The following ADCY5 variants were observed in gnomAD, a reference collection of about 807,000 sequenced individuals.
ADCY5 encodes the protein adenylate cyclase 5, also known as adenylate cyclase type 5.
In ADCY5, 30 loss-of-function variants were observed where a neutral mutation model predicts 119.7. The observed-to-expected ratio is 0.25, with a 90% CI of 0.19 to 0.34. The LOEUF (loss-of-function observed/expected upper bound fraction) is 0.34. Among genes scored for constraint, ADCY5 ranks in the 10% least tolerant of loss-of-function variants. The pLI is 1.00. For missense variants in ADCY5, 1,324 were observed against 1,775.2 expected, an observed-to-expected ratio of 0.75 and a Z score of 4.57; for synonymous variants, 753 against 762.2, an observed-to-expected ratio of 0.99 and a Z score of 0.20.
chr3:123,330,139 C>T (rs1009978333), intron 5 of ADCY5, among the ~76,000 whole-genome samples: 1 of 152,228 alleles, frequency 6.6e-6, no homozygotes, highest in African/African-American at 2.4e-5. Flanking sequence ...TTGCTGGGGA[C>T]ACTTGGCAAG....
chr3:123,444,013 T>C (rs1945769775), intron 1 of ADCY5, among the ~76,000 whole-genome samples: 1 of 152,148 alleles, frequency 6.6e-6, no homozygotes, highest in Non-Finnish European at 1.5e-5. Context: ...GCTAAGCATA[T>C]GTAATAGTTG....
chr3:123,308,025 GC>G (rs1940295880), intron 12 of ADCY5, among the ~76,000 whole-genome samples: 1 of 117,370 alleles, frequency 8.5e-6, no homozygotes, highest in Non-Finnish European at 1.8e-5. Flanking sequence ...TTTTTTTCAT[GC>G]TCTTTTTTTT....
chr3:123,314,118 C>T, intron 12 of ADCY5, 117 bp downstream of exon 12: 2 of 767,676 alleles, frequency 2.6e-6, no homozygotes, highest in Non-Finnish European at 4.3e-6. Flanking sequence ...GGCACTCTCC[C>T]ACCCCTGCCA....
chr3:123,372,131 G>A (rs999070301), intron 1 of ADCY5, among the ~76,000 whole-genome samples: 2 of 152,178 alleles, frequency 1.3e-5, no homozygotes, highest in African/African-American at 2.4e-5. Flanking sequence ...CCTGAAAGGT[G>A]AGCCTCCATG....
chr3:123,419,063 G>A (rs530782021), intron 1 of ADCY5: 142 of 836,318 alleles, frequency 1.7e-4, no homozygotes, highest in Middle Eastern at 6.1e-4. Context: ...GTAACGGCAT[G>A]AGCCAATCCC....
At chr3:123,285,375 A>G (rs1938669972) in intron 20 of ADCY5, among the ~76,000 whole-genome samples, 1 of 152,198 alleles carries the variant, frequency 6.6e-6, no homozygotes. Flanking sequence ...CGGAACAAAG[A>G]AGAGAGCTCA....
At chr3:123,304,353 CG>C (rs1329590850) in intron 12 of ADCY5, among the ~76,000 whole-genome samples, 170 bp from the exon 13 acceptor site, 1 of 152,166 alleles carries the variant, frequency 6.6e-6, no homozygotes, top group African/African-American at 2.4e-5. Flanking sequence ...AGCCTTGAAC[CG>C]CTGCACCATT....
intron 1 of ADCY5, among the ~76,000 whole-genome samples, chr3:123,383,344 G>A (rs553003704): frequency 1.3e-5 from 2 of 152,306 alleles, no homozygotes; most frequent in South Asian, 2.1e-4. Context: ...TGCCCTCCTC[G>A]CCTCCTCGGG....
intron 1 of ADCY5, among the ~76,000 whole-genome samples, chr3:123,371,822 A>T (rs1030858606): frequency 5.9e-5 from 9 of 152,216 alleles, no homozygotes; most frequent in Non-Finnish European, 7.4e-5. Context: ...GAAGGGCAGA[A>T]AAGCAAAAGG....
In ADCY5 at chr3:123,447,446, C is replaced by G; in HGVS notation, c.1100G>C (p.Arg367Pro). 1 of 1,604,134 alleles carries G rather than the reference C, an allele frequency of 6.2e-7. No homozygotes were observed. Among genetic ancestry groups the G allele is most frequent in the South Asian group, 1.1e-5 (1 of 89,546 alleles). The change falls in exon 1 of 21, where the codon CGC becomes CCC. Residue 367 changes from arginine (R) to proline (P), a missense_variant. By Grantham distance (103) the Arg-to-Pro change is moderately radical (BLOSUM62 -2). Around this residue, in one of 6 missense-constraint regions of ADCY5, gnomAD observed 585 missense variants for 569.9 expected, o/e 1.03. Coordinates refer to ENST00000462833, the MANE Select transcript of ADCY5 (RefSeq NM_183357.3). ...LSALHLAIAL[R>P]TNAQDQFLLK... ...CAGGAACTGGTCCTGGGCGTTGGTGCGCAGGGCGATGGCCAGGTGGAGGGC... is the reference window on the plus strand; with the variant it reads ...CAGGAACTGGTCCTGGGCGTTGGTGGGCAGGGCGATGGCCAGGTGGAGGGC...
chr3:123,335,884 G>C (rs535219405), intron 3 of ADCY5, among the ~76,000 whole-genome samples: 2 of 152,308 alleles, frequency 1.3e-5, no homozygotes, highest in East Asian at 3.9e-4. Flanking sequence ...GAACAACCAA[G>C]GCAACTGTAA....
rs62262655 is a variant in ADCY5, at chr3:123,323,691, G to A, written c.2088+1631C>T. On this transcript the variant is annotated intron_variant, in intron 8 of 20. Coordinates refer to ENST00000462833, the MANE Select transcript of ADCY5 (RefSeq NM_183357.3). ...ATTTTTATTTTTGAGATACGGTCTCGCTCTGTCCCCCAGGCTGGAGTGCAG... is the reference window on the plus strand; with the variant it reads ...ATTTTTATTTTTGAGATACGGTCTCACTCTGTCCCCCAGGCTGGAGTGCAG... Among the ~76,000 whole-genome samples, 360 of 151,766 alleles carry A rather than the reference G, an allele frequency of 2.4e-3. 1 individual carries two copies. The highest frequency in any genetic ancestry group is 4.2e-3 in the Non-Finnish European group (287 of 67,956).
chr3:123,286,816 G>A lies in ADCY5; in HGVS notation c.3533-7C>T. The stretch of plus-strand genomic sequence containing the variant: ...ACGGGGCCGATGTTGAGCCCTGCAG[G>A]GGACAGGAATCAGCCACAGTCATCA... On this transcript the variant is annotated splice_polypyrimidine_tract_variant and splice_region_variant and intron_variant, in intron 19 of 20. Transcript: ENST00000462833. The surrounding 1 kb of genome is among the most constrained non-coding windows in gnomAD (Gnocchi z 4.2). The A allele has an allele frequency of 6.3e-7, 1 of 1,590,828 alleles. No individual in the cohort carries two copies. Among genetic ancestry groups the A allele is most frequent in the Non-Finnish European group, 8.5e-7 (1 of 1,170,306 alleles).
chr3:123,325,792 C>T (rs763141132), intron 7 of ADCY5, among the ~76,000 whole-genome samples: 2 of 152,246 alleles, frequency 1.3e-5, no homozygotes, highest in Middle Eastern at 3.2e-3. Flanking sequence ...AGATTCTATC[C>T]TGGGTGCCCT....
intron 1 of ADCY5, among the ~76,000 whole-genome samples, chr3:123,446,613 G>C (rs550401588): frequency 2.8e-4 from 43 of 152,332 alleles, no homozygotes; most frequent in African/African-American, 7.2e-4. Context: ...CAGCTAACCA[G>C]GCAAAAGTTG....
At chr3:123,300,025 G>A in intron 15 of ADCY5, 95 bp downstream of exon 15, 1 of 1,363,934 alleles carries the variant, frequency 7.3e-7, no homozygotes, top group South Asian at 1.3e-5. Flanking sequence ...CTCCTCGCAA[G>A]TTCCCTGTGG....
At chr3:123,430,954 G>T (rs1029997032) in intron 1 of ADCY5, among the ~76,000 whole-genome samples, 1 of 152,140 alleles carries the variant, frequency 6.6e-6, no homozygotes, top group African/African-American at 2.4e-5. Flanking sequence ...ATCCTCTGAG[G>T]GTACAAGCCC....
intron 3 of ADCY5, among the ~76,000 whole-genome samples, chr3:123,346,947 T>A (rs1942595285): frequency 6.6e-6 from 1 of 152,150 alleles, no homozygotes; most frequent in South Asian, 2.1e-4. Context: ...TTAATCTACA[T>A]CTGTTTGCAC....
At chr3:123,361,262 A>G (rs999762411) in intron 1 of ADCY5, among the ~76,000 whole-genome samples, 1 of 152,150 alleles carries the variant, frequency 6.6e-6, no homozygotes, top group Non-Finnish European at 1.5e-5. Context: ...TGGGTGAGAA[A>G]GGCCCACCTG....
Sources: gnomAD v4.1 joint callset for allele counts (sites outside exome capture counted in the v4.1 genomes callset) on GRCh38, gnomAD v4.1.1 for gene constraint, gnomAD v4.1.1 regional missense constraint, Gnocchi (gnomAD v3.1) non-coding constraint, MANE v1.5 for transcripts, NCBI Gene and HGNC (gene_info 2026-07-23, HGNC 2026-07-21) for gene names.